The following MCPH1 variants were observed in gnomAD, a reference collection of about 807,000 sequenced individuals.
MCPH1 encodes the protein microcephalin.
In MCPH1, 104 loss-of-function variants were observed where a neutral mutation model predicts 84.5. The observed-to-expected ratio is 1.23, with a 90% CI of 1.05 to 1.45. The LOEUF (loss-of-function observed/expected upper bound fraction) is 1.45. Among genes scored for constraint, MCPH1 ranks in the 40% most tolerant of loss-of-function variants. The probability of loss-of-function intolerance (pLI) is 0.00; values close to 1 mark genes in which losing one functional copy is unlikely to be tolerated. For missense variants in MCPH1, 1,498 were observed against 1,005.7 expected (o/e 1.49, Z -6.62); for synonymous variants, 514 against 366.8 (o/e 1.40, Z -4.58).
intron 12 of MCPH1, chr8:6,502,893 T>G: frequency 1.8e-6 from 1 of 555,272 alleles, no homozygotes; most frequent in Non-Finnish European, 3.2e-6. Context: ...CAATTATGGA[T>G]GTTTAGGGTC....
intron 12 of MCPH1, among the ~76,000 whole-genome samples, chr8:6,605,600 A>T (rs1412544001): frequency 6.6e-6 from 1 of 152,258 alleles, no homozygotes; most frequent in Non-Finnish European, 1.5e-5. Context: ...GACTCTAAGC[A>T]GGGATGAAGT....
chr8:6,425,283 T>C (rs531618957), intron 3 of MCPH1, among the ~76,000 whole-genome samples: 28 of 152,322 alleles, frequency 1.8e-4, no homozygotes, highest in African/African-American at 6.5e-4. Context: ...ACACTTTTCG[T>C]TTTGACCACT....
chr8:6,442,807 T>G (rs931044396), intron 7 of MCPH1, among the ~76,000 whole-genome samples: 5 of 152,212 alleles, frequency 3.3e-5, no homozygotes, highest in African/African-American at 1.2e-4. Context: ...GTGCTTGAGA[T>G]GTTATGGAAA....
At chr8:6,561,832 G>T (rs1454925798) in intron 12 of MCPH1, among the ~76,000 whole-genome samples, 1 of 152,072 alleles carries the variant, frequency 6.6e-6, no homozygotes, top group Non-Finnish European at 1.5e-5. Context: ...TCCTATTTTG[G>T]TTACGTCTCC....
chr8:6,449,115 T>G (rs953517012), intron 8 of MCPH1, among the ~76,000 whole-genome samples: 7 of 152,226 alleles, frequency 4.6e-5, no homozygotes, highest in African/African-American at 1.7e-4. Context: ...CGTATTTCAC[T>G]TTTGAAAATA....
At chr8:6,527,899 A>ATTTTTTTT (rs71213313) in intron 12 of MCPH1, among the ~76,000 whole-genome samples, 2 of 133,122 alleles carry the variant, frequency 1.5e-5, no homozygotes, top group Non-Finnish European at 1.6e-5. Flanking sequence ...CCACGTCTCT[A>ATTTTTTTT]TTTTTTTTTT....
At chr8:6,514,855 A>G (rs764745677) in intron 12 of MCPH1, 43 of 1,278,722 alleles carry the variant, frequency 3.4e-5, no homozygotes, top group Non-Finnish European at 4.5e-5. Flanking sequence ...GGAGGAATGT[A>G]GACCCTGAGT....
intron 12 of MCPH1, among the ~76,000 whole-genome samples, chr8:6,505,306 TATA>T (rs1297906635): frequency 0.081 from 4,410 of 54,758 alleles, 782 homozygotes; most frequent in African/African-American, 0.25. Context: ...TATATATGTA[TATA>T]ACATATATAT....
At chr8:6,601,095 G>A (rs1829323579) in intron 12 of MCPH1, among the ~76,000 whole-genome samples, 1 of 152,096 alleles carries the variant, frequency 6.6e-6, no homozygotes, top group Admixed American at 6.5e-5. Flanking sequence ...ACCTGGAGAT[G>A]AGAGACCTGT....
chr8:6,518,699 C>T (rs934339718), intron 12 of MCPH1, among the ~76,000 whole-genome samples: 1 of 152,122 alleles, frequency 6.6e-6, no homozygotes, highest in African/African-American at 2.4e-5. Context: ...AAAATTTCCA[C>T]TTTGGTACAG....
intron 12 of MCPH1, chr8:6,502,769 T>G: frequency 3.2e-6 from 1 of 316,230 alleles, no homozygotes; most frequent in South Asian, 4.3e-5. Context: ...TGTTTTCCAG[T>G]TATTTACTGA....
At chr8:6,639,095 A>C (rs1474934145) in intron 13 of MCPH1, among the ~76,000 whole-genome samples, 1 of 152,178 alleles carries the variant, frequency 6.6e-6, no homozygotes, top group Non-Finnish European at 1.5e-5. Flanking sequence ...TTAAAGATCG[A>C]TACTTCTGGC....
chr8:6,421,713 C>G (rs1403295348), intron 3 of MCPH1, among the ~76,000 whole-genome samples: 1 of 152,204 alleles, frequency 6.6e-6, no homozygotes, highest in Non-Finnish European at 1.5e-5. Flanking sequence ...TGGCAGAGAC[C>G]TTACGGCCCA....
chr8:6,410,488 A>C (rs2129550942), intron 2 of MCPH1, among the ~76,000 whole-genome samples: 1 of 152,322 alleles, frequency 6.6e-6, no homozygotes, highest in African/African-American at 2.4e-5. Flanking sequence ...AATTTGCCTT[A>C]TTCAAGGTTT....
In MCPH1 at chr8:6,625,238, C is replaced by T. The variant is rs1831944919; in HGVS notation, c.2452+3547C>T. The T allele has an allele frequency of 4.1e-6, 4 of 985,328 alleles. No homozygotes were observed. In the South Asian group the frequency reaches 1.4e-4, roughly 35 times the overall value. The allele number at this position is 985,328 out of a possible 1,614,324, so 61.0% of individuals were successfully genotyped here. On this transcript the variant is annotated intron_variant, in intron 13 of 13. Transcript: ENST00000344683. The stretch of plus-strand genomic sequence containing the variant: ...TATAAAACAGAGTCATAGCCTCCAC[C>T]TTGCTTACCCCACATGCTGGTTAAA...
intron 12 of MCPH1, among the ~76,000 whole-genome samples, chr8:6,578,013 G>C (rs1254961650): frequency 6.6e-6 from 1 of 152,172 alleles, no homozygotes; most frequent in Non-Finnish European, 1.5e-5. Context: ...CTCTGAATTT[G>C]AAGCGAGGAG....
At chr8:6,470,244 G>A (rs1217076036) in intron 9 of MCPH1, among the ~76,000 whole-genome samples, 1 of 151,882 alleles carries the variant, frequency 6.6e-6, no homozygotes, top group Middle Eastern at 3.2e-3. Context: ...ATTTGTACTT[G>A]TTTTTTCATT....
chr8:6,445,553 T>G lies in MCPH1; in HGVS notation c.1825+6T>G, dbSNP rs1457415233. 3.2e-6 allele frequency: 5 copies of G among 1,570,722 alleles called. No homozygotes were observed. The highest frequency in any genetic ancestry group is 1.4e-5 in the African/African-American group (1 of 72,738). On this transcript the variant is annotated splice_donor_region_variant and intron_variant, in intron 8 of 13. Transcript: ENST00000344683. ...ACCCGGAGGATACAGTGGAAGTATGTGAATCTCCTTTTCCAAGTCACCTTC... is the reference window on the plus strand; with the variant it reads ...ACCCGGAGGATACAGTGGAAGTATGGGAATCTCCTTTTCCAAGTCACCTTC...
intron 12 of MCPH1, among the ~76,000 whole-genome samples, chr8:6,504,312 C>T (rs1164251871): frequency 2.5e-5 from 2 of 79,948 alleles, no homozygotes; most frequent in Non-Finnish European, 4.5e-5. Context: ...AGTGAGACTC[C>T]AGCTCAAAAA....
Sources: gnomAD v4.1 joint callset for allele counts (sites outside exome capture counted in the v4.1 genomes callset) on GRCh38, gnomAD v4.1.1 for gene constraint, MANE v1.5 for transcripts, NCBI Gene and HGNC (gene_info 2026-07-23, HGNC 2026-07-21) for gene names.